Variants in TGM1 observed in about 807,000 individuals in gnomAD.
TGM1 encodes protein-glutamine gamma-glutamyltransferase K.
Under a neutral mutation model 88.7 loss-of-function variants are expected in TGM1, and 63 were observed. The observed-to-expected ratio is 0.71, with a 90% confidence interval of 0.58 to 0.88. The LOEUF (loss-of-function observed/expected upper bound fraction) is 0.88, where lower values mean the gene tolerates loss of function less well. Among genes scored for constraint, TGM1 ranks in the 40% least tolerant of loss-of-function variants. The pLI is 0.00. For synonymous variants in TGM1, 415 were observed against 431.1 expected, an observed-to-expected ratio of 0.96 and a Z score of 0.46; for missense variants, 996 against 1,118.0, an observed-to-expected ratio of 0.89 and a Z score of 1.56.
chr14:24,255,157 A>G lies in TGM1; in HGVS notation c.1742T>C (p.Met581Thr). The change falls in exon 12 of 15, where the codon ATG becomes ACG. Residue 581 changes from methionine to threonine, a missense_variant. Transcript: ENST00000206765. The surrounding 1 kb of genome is among the most constrained non-coding windows in gnomAD (Gnocchi z 4.0). The stretch of plus-strand genomic sequence containing the variant: ...CACCGCGTCCTGTGCCTCCACCTGC[A>G]TGGCCACATCCTCCGCTGAGCCCCG... The part of the protein sequence containing the change: ...ANRGSAEDVA[M>T]QVEAQDAVMG... 6.2e-7 allele frequency: 1 copy of G among 1,614,090 alleles called. No individual in the cohort carries two copies. The highest frequency in any genetic ancestry group is 8.5e-7 in the Non-Finnish European group (1 of 1,180,028).
Position 24,259,357 on chromosome 14 carries a change from CT to C in TGM1, c.985-109del. On this transcript the variant is annotated intron_variant, in intron 6 of 14. Transcript: ENST00000206765. This position sits in a 1 kb window ranked among gnomAD's most constrained non-coding sequence, Gnocchi z 5.7. ...CCGATCCTGCAACCACCCCTTACCC[CT>C]AAATGCCTCAGGATCCAGACACCAG... 9.2e-7 allele frequency: 1 copy of C among 1,088,406 alleles called. No homozygotes were observed. The highest frequency in any genetic ancestry group is 1.3e-5 in the South Asian group (1 of 74,388). The allele number at this position is 1,088,406 out of a possible 1,614,324, so 67.4% of individuals were successfully genotyped here. A position where few individuals can be genotyped will look rare whatever the true frequency, so the allele number is the denominator to read the frequency against.
At chr14:24,251,760 T>C (rs191325111) in intron 14 of TGM1, among the ~76,000 whole-genome samples, 15 of 152,362 alleles carry the variant, frequency 9.8e-5, no homozygotes, top group Non-Finnish European at 1.9e-4. Context: ...ACGGTCAGCC[T>C]GTCCTTCCTT....
Position 24,255,089 on chromosome 14 carries a change from T to C in TGM1, c.1810A>G (p.Ser604Gly). 1 of 1,614,178 alleles carries C rather than the reference T, an allele frequency of 6.2e-7. No homozygotes were observed. The highest frequency in any genetic ancestry group is 8.5e-7 in the Non-Finnish European group (1 of 1,180,044). ...AGTTTCACTGTGCGGCGGCTGCTGC[T>C]GTGATTGATCAGCATCACAGAGACC... The part of the protein sequence containing the change: ...LMVSVMLINH[S>G]SSRRTVKLHL... Residue 604 changes from serine to glycine, a missense_variant, in exon 12 of 15, where the codon AGC becomes GGC. By Grantham distance (56) the Ser-to-Gly change is moderately conservative. Transcript: ENST00000206765. The surrounding 1 kb of genome is among the most constrained non-coding windows in gnomAD (Gnocchi z 4.0).
chr14:24,254,852 A>AGGC, intron 12 of TGM1, 28 bp from the exon 13 acceptor site: 2 of 1,613,374 alleles, frequency 1.2e-6, no homozygotes, highest in Non-Finnish European at 1.7e-6. Flanking sequence ...GGCGTCACTG[A>AGGC]GGCCTGCTTC....
chr14:24,256,421 G>C (rs561843740), intron 9 of TGM1, among the ~76,000 whole-genome samples: 3 of 152,344 alleles, frequency 2.0e-5, no homozygotes, highest in African/African-American at 7.2e-5. Context: ...ATGGCTGGCT[G>C]ACACTGGATG....
chr14:24,262,413 A>C, intron 1 of TGM1, 59 bp from the exon 2 acceptor site: 1 of 1,573,436 alleles, frequency 6.4e-7, no homozygotes, highest in South Asian at 1.1e-5. Flanking sequence ...GTTGACCCAG[A>C]AACCCTCCAT....
At chr14:24,260,814 G>T in intron 3 of TGM1, 116 bp from the exon 4 acceptor site, 1 of 1,382,282 alleles carries the variant, frequency 7.2e-7, no homozygotes, top group Non-Finnish European at 1.0e-6. Flanking sequence ...ATGTCCCTAC[G>T]TTGGGCCATC....
rs1019810397 is a variant in TGM1, at chr14:24,262,285, G to T, written c.68C>A (p.Pro23Gln). ...GGNPLQPPTT[P>Q]SPEPEPEPDG... Reference sequence around the variant, plus strand: ...TGGCTCTGGCTCTGGCTCTGGAGATGGCGTGGTAGGGGGCTGCAAGGGGTT... The same window carrying T: ...TGGCTCTGGCTCTGGCTCTGGAGATTGCGTGGTAGGGGGCTGCAAGGGGTT... Residue 23 changes from proline to glutamine, a missense_variant, in exon 2 of 15, where the codon CCA becomes CAA. Physicochemically the swap from Pro to Gln is moderately conservative, Grantham distance 76. Transcript: ENST00000206765. 6.2e-7 allele frequency: 1 copy of T among 1,613,716 alleles called. No individual in the cohort carries two copies. The highest frequency in any genetic ancestry group is 1.7e-5 in the Admixed American group (1 of 60,032).
intron 14 of TGM1, among the ~76,000 whole-genome samples, chr14:24,252,932 G>A (rs1192723657): frequency 6.6e-6 from 1 of 152,210 alleles, no homozygotes; most frequent in African/African-American, 2.4e-5. Context: ...GTGTAAGTCT[G>A]TATCAAAGAT....
intron 4 of TGM1, 136 bp downstream of exon 4, chr14:24,260,314 G>T (rs2040797390): frequency 7.1e-7 from 1 of 1,411,834 alleles, no homozygotes; most frequent in Non-Finnish European, 9.7e-7. Context: ...CCAGGCCTCG[G>T]TCCTCTCATC....
rs575122207 is a variant in TGM1, at chr14:24,254,188, C to T, written c.2189G>A (p.Gly730Asp). 2 of 1,613,422 alleles carry T rather than the reference C, an allele frequency of 1.2e-6. No homozygotes were observed. The highest frequency in any genetic ancestry group is 1.3e-5 in the African/African-American group (1 of 74,992). Residue 730 changes from glycine (G) to aspartate (D), a missense_variant, in exon 14 of 15, where the codon GGC (glycine) becomes GAC (aspartate). Coordinates refer to ENST00000206765, the MANE Select transcript of TGM1 (RefSeq NM_000359.3). ...TLTNVVFRLE[G>D]SGLQRPKILN... ...GATCTTGGGCCTCTGTAACCCAGAG[C>T]CTTCGAGCCGGAAGACGACATTGGT...
At chr14:24,260,289 G>T in intron 4 of TGM1, 161 bp downstream of exon 4, 1 of 1,240,486 alleles carries the variant, frequency 8.1e-7, no homozygotes, top group Non-Finnish European at 1.1e-6. Context: ...ACCCTGGGCT[G>T]GCCACCTTTC....
Position 24,258,803 on chromosome 14 carries a change from C to T in TGM1, c.1160-130G>A, listed in dbSNP as rs372935623. The T allele has an allele frequency of 7.9e-4, 1,106 of 1,392,158 alleles. 20 individuals carry two copies. In the South Asian group the frequency reaches 0.014, roughly 17 times the overall value. The allele number at this position is 1,392,158 out of a possible 1,614,324, so 86.2% of individuals were successfully genotyped here. On this transcript the variant is annotated intron_variant, in intron 7 of 14. Transcript: ENST00000206765. ...GCATAGACTGCCAGGGTCAGGGCCA[C>T]GGGGGCCACAAGGCCTTTGGGCTAC...
Position 24,249,412 on chromosome 14 carries a change from A to G in TGM1, c.2355T>C (p.Asp785=). ...CCCCATCCCCAGGGGCTGGGGCCACATCCACCTGGATGACACCGTGCACCT... is the reference window on the plus strand; with the variant it reads ...CCCCATCCCCAGGGGCTGGGGCCACGTCCACCTGGATGACACCGTGCACCT... ...LSQVHGVIQV[D]VAPAPGDGGF... is the part of the protein sequence containing the mutation. Residue 785 remains aspartate, a synonymous_variant, in exon 15 of 15, where the codon GAT becomes GAC. Transcript: ENST00000206765. The G allele has an allele frequency of 1.9e-6, 3 of 1,614,106 alleles. No homozygotes were observed. Among genetic ancestry groups the G allele is most frequent in the Non-Finnish European group, 2.5e-6 (3 of 1,180,028 alleles).
Position 24,255,902 on chromosome 14 carries a change from G to T in TGM1, c.1491+87C>A, listed in dbSNP as rs1204596952. 4 of 1,137,474 alleles carry T rather than the reference G, an allele frequency of 3.5e-6. No individual in the cohort carries two copies. The African/African-American group carries it at 4.6e-5, about 13-fold the overall frequency. The allele number at this position is 1,137,474 out of a possible 1,614,324, so 70.5% of individuals were successfully genotyped here. On this transcript the variant is annotated intron_variant, in intron 10 of 14. Coordinates refer to ENST00000206765, the MANE Select transcript of TGM1 (RefSeq NM_000359.3). This position sits in a 1 kb window ranked among gnomAD's most constrained non-coding sequence, Gnocchi z 4.0. The stretch of plus-strand genomic sequence containing the variant: ...TTGTATAATGAGTGACTTGCCCCGG[G>T]TCGCAGAGCTGGTCAGTCAGCGGTG...
At position 24,262,362 on chromosome 14, in the gene TGM1, G is replaced by A. The variant is rs760885383; in HGVS notation, c.-2-8C>T. The A allele has an allele frequency of 6.2e-7, 1 of 1,613,314 alleles. No individual in the cohort carries two copies. Among genetic ancestry groups the A allele is most frequent in the Non-Finnish European group, 8.5e-7 (1 of 1,179,942 alleles). Reference sequence around the variant, plus strand: ...GTGGCCCATCCATCATGCCTGTTAGGAAGAGGCAGGGTGGCTCCTTAACCC... The same window carrying A: ...GTGGCCCATCCATCATGCCTGTTAGAAAGAGGCAGGGTGGCTCCTTAACCC... On this transcript the variant is annotated splice_polypyrimidine_tract_variant and splice_region_variant and intron_variant, in intron 1 of 14. Transcript: ENST00000206765.
chr14:24,259,054 C>G lies in TGM1; in HGVS notation c.1159+21G>C, dbSNP rs749647190. 4 of 1,613,498 alleles carry G rather than the reference C, an allele frequency of 2.5e-6. No homozygotes were observed. Among genetic ancestry groups the G allele is most frequent in the Non-Finnish European group, 3.4e-6 (4 of 1,179,826 alleles). The stretch of plus-strand genomic sequence containing the variant: ...TCTCCCTGTAGGGCCCGGGCCACTC[C>G]TGTCCCAGTCCCTCCACTACCTGTG... On this transcript the variant is annotated intron_variant, in intron 7 of 14. Coordinates refer to ENST00000206765, the MANE Select transcript of TGM1 (RefSeq NM_000359.3). This position sits in a 1 kb window ranked among gnomAD's most constrained non-coding sequence, Gnocchi z 5.7.
chr14:24,260,011 G>A lies in TGM1; in HGVS notation c.805C>T (p.Leu269Phe). 1 of 1,614,180 alleles carries A rather than the reference G, an allele frequency of 6.2e-7. No individual in the cohort carries two copies. Among genetic ancestry groups the A allele is most frequent in the South Asian group, 1.1e-5 (1 of 91,086 alleles). The part of the protein sequence containing the change: ...DHEDWRQEYV[L>F]NESGRIYYGT... ...TAGTAAATTCTCCCAGACTCATTAA[G>A]AACATACTCCTGCCGCCAATCCTCA... is the stretch of plus-strand genomic sequence containing the variant. Residue 269 changes from leucine to phenylalanine, a missense_variant, in exon 5 of 15, where the codon CTT (leucine) becomes TTT (phenylalanine). Physicochemically the swap from Leu to Phe is conservative, Grantham distance 22. Coordinates refer to ENST00000206765, the MANE Select transcript of TGM1 (RefSeq NM_000359.3).
In TGM1 at chr14:24,249,502, C is replaced by G. The variant is rs747167684; in HGVS notation, c.2265G>C (p.Ser755=). 2 of 1,614,112 alleles carry G rather than the reference C, an allele frequency of 1.2e-6. No individual in the cohort carries two copies. The highest frequency in any genetic ancestry group is 1.7e-6 in the Non-Finnish European group (2 of 1,180,018). The change falls in exon 15 of 15, where the codon TCG becomes TCC. Residue 755 remains serine (S), a synonymous_variant. Transcript: ENST00000206765. ...GGNETVTLRQ[S]FVPVRPGPRQ... Reference sequence around the variant, plus strand: ...GGGGGCCTGGTCGCACAGGCACAAACGACTGGCGCAGTGTCACTGTTTCAT... The same window carrying G: ...GGGGGCCTGGTCGCACAGGCACAAAGGACTGGCGCAGTGTCACTGTTTCAT...
Sources: gnomAD v4.1 joint callset for allele counts (sites outside exome capture counted in the v4.1 genomes callset) on GRCh38, gnomAD v4.1.1 for gene constraint, Gnocchi (gnomAD v3.1) non-coding constraint, MANE v1.5 for transcripts, NCBI Gene and HGNC (gene_info 2026-07-23, HGNC 2026-07-21) for gene names.